The following HDC variants were observed in gnomAD, a reference collection of about 807,000 sequenced individuals.
HDC encodes the protein histidine decarboxylase.
Under a neutral mutation model 64.4 loss-of-function variants are expected in HDC, and 27 were observed. The observed-to-expected ratio is 0.42, with a 90% CI of 0.31 to 0.58. HDC has a LOEUF of 0.58. HDC is among the 20% of genes least tolerant of loss of function. The pLI is 0.16. For synonymous variants in HDC, 305 were observed against 314.2 expected (o/e 0.97, Z 0.31); for missense variants, 711 against 833.9 (o/e 0.85, Z 1.81).
At chr15:50,262,495 C>T (rs930167264) in intron 2 of HDC, among the ~76,000 whole-genome samples, 4 of 152,198 alleles carry the variant, frequency 2.6e-5, no homozygotes, top group East Asian at 1.9e-4. Flanking sequence ...AGCTCCTCAC[C>T]GCCAGTGGTC....
chr15:50,253,883 C>T, intron 6 of HDC: 1 of 640,400 alleles, frequency 1.6e-6, no homozygotes, highest in Non-Finnish European at 2.8e-6. Flanking sequence ...TTTCATAAAA[C>T]AATACATACT....
At chr15:50,243,367 C>A (rs897960659) in intron 10 of HDC, 123 bp from the exon 11 acceptor site, 1 of 746,616 alleles carries the variant, frequency 1.3e-6, no homozygotes, top group East Asian at 2.7e-5. Context: ...TTGTAAGCGG[C>A]TTCTGCCTCA....
rs762914264 is a variant in HDC, at chr15:50,252,710, G to A, written c.852C>T (p.Pro284=). Residue 284 remains proline, a synonymous_variant, in exon 8 of 12, where the codon CCC becomes CCT. Transcript: ENST00000267845. The part of the protein sequence containing the change: ...AAYAGTAFLC[P]EFRGFLKGIE... ...TCCCCTTCAGAAACCCCCGGAACTC[G>A]GGGCACAGGAAGGCAGTGCCTGCAT... The A allele has an allele frequency of 1.3e-5, 21 of 1,613,930 alleles. No individual in the cohort carries two copies. The East Asian group carries it at 1.8e-4, about 14-fold the overall frequency.
At chr15:50,260,798 C>T (rs1161660168) in intron 2 of HDC, among the ~76,000 whole-genome samples, 3 of 152,210 alleles carry the variant, frequency 2.0e-5, no homozygotes, top group East Asian at 1.9e-4. Context: ...GAAGCCCAGA[C>T]ACCCGAGCAG....
At position 50,242,267 on chromosome 15, in the gene HDC, A is replaced by G. The variant is rs1208842360; in HGVS notation, c.1982T>C (p.Met661Thr). The G allele has an allele frequency of 1.2e-6, 2 of 1,613,952 alleles. No individual in the cohort carries two copies. The highest frequency in any genetic ancestry group is 1.1e-5 in the South Asian group (1 of 91,086). ...LQLPCCPLQA[M>T]V The stretch of plus-strand genomic sequence containing the variant: ...TGGCTGAAGGCCCTGTGTCTAAACC[A>G]TGGCCTGCAGAGGGCAACAGGGCAG... The change falls in exon 12 of 12, where the codon ATG becomes ACG. Residue 661 changes from methionine to threonine, a missense_variant. Met to Thr is a moderately conservative substitution (Grantham distance 81). This residue lies in a region of HDC where 483 missense variants were observed against 540.9 expected (regional missense o/e 0.89). Coordinates refer to ENST00000267845, the MANE Select transcript of HDC (RefSeq NM_002112.4).
Position 50,248,332 on chromosome 15 carries a change from G to GA in HDC, c.1052dup (p.Leu353ProfsTer9). The GA allele has an allele frequency of 6.2e-7, 1 of 1,613,370 alleles. No homozygotes were observed. The highest frequency in any genetic ancestry group is 8.5e-7 in the Non-Finnish European group (1 of 1,179,320). On this transcript the variant is annotated frameshift_variant, in exon 10 of 12. Coordinates refer to ENST00000267845, the MANE Select transcript of HDC (RefSeq NM_002112.4). LOFTEE classifies it high-confidence loss of function. This position sits in a 1 kb window ranked among gnomAD's most constrained non-coding sequence, Gnocchi z 4.3. ...CAGAGCGAAACCGTCGGCTCAGGGGGATCTGCCAGTGCTAGAAACAAAGGA... is the reference window on the plus strand; with the variant it reads ...CAGAGCGAAACCGTCGGCTCAGGGGGAATCTGCCAGTGCTAGAAACAAAGGA...
chr15:50,251,872 A>C (rs560708966), intron 9 of HDC, among the ~76,000 whole-genome samples: 2 of 151,676 alleles, frequency 1.3e-5, no homozygotes, highest in Non-Finnish European at 2.9e-5. Flanking sequence ...AAAACAAAAG[A>C]AAAGAGAGAG....
Position 50,252,527 on chromosome 15 carries a change from G to T in HDC, c.951-7C>A. ...CTTGTACTTGTCCTTGACCCTGTGG[G>T]TTTCCAAATGGGCATTAGTGGCTGA... On this transcript the variant is annotated splice_polypyrimidine_tract_variant and splice_region_variant and intron_variant, in intron 8 of 11. Coordinates refer to ENST00000267845, the MANE Select transcript of HDC (RefSeq NM_002112.4). 1 of 1,614,212 alleles carries T rather than the reference G, an allele frequency of 6.2e-7. No individual in the cohort carries two copies. The highest frequency in any genetic ancestry group is 8.5e-7 in the Non-Finnish European group (1 of 1,180,008).
In HDC at chr15:50,242,150, G is replaced by A. The variant is rs191075755; in HGVS notation, c.*110C>T. The A allele has an allele frequency of 9.1e-5, 83 of 909,292 alleles. 1 individual carries two copies. The Middle Eastern group carries it at 1.3e-3, about 14-fold the overall frequency. The allele number at this position is 909,292 out of a possible 1,614,324, so 56.3% of individuals were successfully genotyped here. A position where few individuals can be genotyped will look rare whatever the true frequency, so the allele number is the denominator to read the frequency against. On this transcript the variant is annotated 3_prime_UTR_variant, in exon 12 of 12. Coordinates refer to ENST00000267845, the MANE Select transcript of HDC (RefSeq NM_002112.4). ...AGAATTTGATTAAAATTATGAACTC[G>A]CCCCAAGAAAAATGCATGTACACAT... is the stretch of plus-strand genomic sequence containing the variant.
At chr15:50,253,021 C>A in intron 7 of HDC, 1 of 560,942 alleles carries the variant, frequency 1.8e-6, no homozygotes, top group Non-Finnish European at 3.2e-6. Flanking sequence ...GGGTAAAGGG[C>A]CAGCACCCTC....
rs2045595706 is a variant in HDC at position 50,254,202 on chromosome 15, G to A, written c.648C>T (p.Asn216=). The A allele has an allele frequency of 6.2e-7, 1 of 1,614,186 alleles. No individual in the cohort carries two copies. The change falls in exon 6 of 12, where the codon AAC becomes AAT. Residue 216 remains asparagine (N), a synonymous_variant. Coordinates refer to ENST00000267845, the MANE Select transcript of HDC (RefSeq NM_002112.4). ...GAAGAGCTTCCCCTCGGAGTGAGAA[G>A]TTGTCATCCACAGGCAGAAATTTCA... ...VKMKFLPVDD[N]FSLRGEALQK...
chr15:50,260,388 G>A (rs2283429), intron 2 of HDC, among the ~76,000 whole-genome samples: 26,079 of 152,038 alleles, frequency 0.17, 2,429 homozygotes, highest in South Asian at 0.24. Context: ...ATAAGACCAG[G>A]AGCCTCTCCT....
chr15:50,253,115 T>G, intron 7 of HDC: 1 of 417,738 alleles, frequency 2.4e-6, no homozygotes, highest in South Asian at 2.3e-5. Flanking sequence ...AATACAAAAG[T>G]TAGAGGGAAG....
At chr15:50,258,541 T>C in intron 2 of HDC, 24 bp from the exon 3 acceptor site, 1 of 1,435,162 alleles carries the variant, frequency 7.0e-7, no homozygotes, top group Non-Finnish European at 9.8e-7. Context: ...ATGCACAGAG[T>C]TGGCACCAGG....
At chr15:50,254,753 T>A in intron 4 of HDC, 89 bp from the exon 5 acceptor site, 1 of 948,882 alleles carries the variant, frequency 1.1e-6, no homozygotes, top group Non-Finnish European at 1.6e-6. Flanking sequence ...TCTCTCTCTC[T>A]CTCTCTCTCT....
chr15:50,256,573 G>T (rs753315757), intron 4 of HDC, among the ~76,000 whole-genome samples: 11 of 152,136 alleles, frequency 7.2e-5, no homozygotes, highest in Non-Finnish European at 8.8e-5. Context: ...TGTTTGGAGA[G>T]ATCAGGTTTC....
chr15:50,248,171 G>T lies in HDC; in HGVS notation c.1140+74C>A. 1 of 1,095,766 alleles carries T rather than the reference G, an allele frequency of 9.1e-7. No homozygotes were observed. Among genetic ancestry groups the T allele is most frequent in the Non-Finnish European group, 1.4e-6 (1 of 719,518 alleles). 67.9% of individuals were successfully genotyped at this position (1,095,766 alleles called of 1,614,324 possible). A position where few individuals can be genotyped will look rare whatever the true frequency, so the allele number is the denominator to read the frequency against. ...CAAGTCTCCTAGGCAGATCTGCAAA[G>T]TAGAAACCAGCCTTCCTCGCCATGA... On this transcript the variant is annotated intron_variant, in intron 10 of 11. Transcript: ENST00000267845. The surrounding 1 kb of genome is among the most constrained non-coding windows in gnomAD (Gnocchi z 4.3).
At chr15:50,254,373 T>C in intron 5 of HDC, 100 bp from the exon 6 acceptor site, 1 of 1,546,468 alleles carries the variant, frequency 6.5e-7, no homozygotes, top group South Asian at 1.1e-5. Context: ...ATATGATCAT[T>C]GGAAGCTTGT....
rs965590691 is a variant in HDC, at chr15:50,253,646, G to T, written c.741C>A (p.Thr247=). 2 of 1,613,378 alleles carry T rather than the reference G, an allele frequency of 1.2e-6. No homozygotes were observed. Among genetic ancestry groups the T allele is most frequent in the Non-Finnish European group, 1.7e-6 (2 of 1,179,966 alleles). The change falls in exon 7 of 12, where the codon ACC becomes ACA. Residue 247 remains threonine (T), a synonymous_variant. Transcript: ENST00000267845. ...GGCAGTCAAATGCACAGACCCCAGTGGTCCCTAGTGTTGCACAGACCTAGG... is the reference window on the plus strand; with the variant it reads ...GGCAGTCAAATGCACAGACCCCAGTTGTCCCTAGTGTTGCACAGACCTAGG... ...VPVFVCATLG[T]TGVCAFDCLS...
Sources: gnomAD v4.1 joint callset for allele counts (sites outside exome capture counted in the v4.1 genomes callset) on GRCh38, gnomAD v4.1.1 for gene constraint, gnomAD v4.1.1 regional missense constraint, Gnocchi (gnomAD v3.1) non-coding constraint, MANE v1.5 for transcripts, NCBI Gene and HGNC (gene_info 2026-07-23, HGNC 2026-07-21) for gene names.